ATL2: variants seen among roughly 807,000 people sequenced by gnomAD.
ATL2 encodes atlastin GTPase 2, also known as atlastin-2.
A neutral mutation model predicts 73.9 loss-of-function variants in ATL2; 31 were observed. That is an observed-to-expected ratio of 0.42 (90% CI 0.32 to 0.57). The LOEUF (loss-of-function observed/expected upper bound fraction) is 0.57, where lower values mean the gene tolerates loss of function less well. ATL2 is among the 20% of genes least tolerant of loss of function. The pLI, the probability that ATL2 is intolerant of heterozygous loss-of-function variation, is 0.14. For missense variants in ATL2, 738 were observed against 702.6 expected (o/e 1.05, Z -0.57); for synonymous variants, 291 against 237.5 (o/e 1.23, Z -2.07).
chr2:38,370,553 T>C (rs1360789602), intron 1 of ATL2, among the ~76,000 whole-genome samples: 3 of 150,720 alleles, frequency 2.0e-5, no homozygotes, highest in Admixed American at 2.0e-4. Flanking sequence ...GGCGGATCAC[T>C]TGTGGTCAGA....
chr2:38,324,500 A>G (rs1668491539), intron 2 of ATL2, among the ~76,000 whole-genome samples: 1 of 152,252 alleles, frequency 6.6e-6, no homozygotes, highest in Admixed American at 6.5e-5. Context: ...ATATGTGAGA[A>G]TACTCTGCAA....
chr2:38,360,128 CAA>C (rs755582696), intron 1 of ATL2, among the ~76,000 whole-genome samples: 1,701 of 81,942 alleles, frequency 0.021, 17 homozygotes, highest in East Asian at 0.084. Flanking sequence ...GGCTCCATTT[CAA>C]AAAAAAAAAA....
At chr2:38,321,254 T>C (rs556772395) in intron 2 of ATL2, among the ~76,000 whole-genome samples, 1 of 152,294 alleles carries the variant, frequency 6.6e-6, no homozygotes, top group East Asian at 1.9e-4. Context: ...TCTTTAATTA[T>C]TATTATTATT....
At chr2:38,348,245 T>G (rs546810603) in intron 1 of ATL2, among the ~76,000 whole-genome samples, 5 of 151,986 alleles carry the variant, frequency 3.3e-5, no homozygotes, top group Admixed American at 1.3e-4. Flanking sequence ...GGAGGGCGGA[T>G]CACCTAAAGT....
At chr2:38,378,273 C>T (rs1279558555), upstream of ATL2, among the ~76,000 whole-genome samples, 1 of 152,232 alleles carries the variant, frequency 6.6e-6, no homozygotes, top group Non-Finnish European at 1.5e-5. Flanking sequence ...TAGAAAAGCA[C>T]TGGTGTTATT....
chr2:38,332,055 C>A (rs551309112), intron 2 of ATL2, among the ~76,000 whole-genome samples: 1 of 152,134 alleles, frequency 6.6e-6, no homozygotes, highest in South Asian at 2.1e-4. Flanking sequence ...TAAGTGAAGC[C>A]AGTCACAAAA....
At chr2:38,303,206 T>TTA (rs1667274044) in intron 9 of ATL2, among the ~76,000 whole-genome samples, 1 of 152,050 alleles carries the variant, frequency 6.6e-6, no homozygotes, top group African/African-American at 2.4e-5. Flanking sequence ...CCAAACCTCT[T>TTA]TTTTATTTTA....
intron 9 of ATL2, among the ~76,000 whole-genome samples, chr2:38,300,679 C>A (rs1667139742): frequency 6.6e-6 from 1 of 151,762 alleles, no homozygotes; most frequent in Admixed American, 6.6e-5. Context: ...GAGATGGGGT[C>A]TCACACTGAC....
chr2:38,344,606 T>C (rs1475678730), intron 1 of ATL2, among the ~76,000 whole-genome samples: 1 of 152,004 alleles, frequency 6.6e-6, no homozygotes, highest in Non-Finnish European at 1.5e-5. Flanking sequence ...TGAGTCTCAG[T>C]CTCAAAAAAC....
chr2:38,374,827 T>G (rs548762273), intron 1 of ATL2, among the ~76,000 whole-genome samples: 39 of 152,348 alleles, frequency 2.6e-4, no homozygotes, highest in African/African-American at 9.1e-4. Flanking sequence ...TTACTTATAC[T>G]TGTGAATATT....
chr2:38,340,993 A>G (rs115020203), intron 2 of ATL2, among the ~76,000 whole-genome samples: 442 of 152,312 alleles, frequency 2.9e-3, no homozygotes, highest in Non-Finnish European at 4.9e-3. Context: ...TTGCAAATAC[A>G]CGGCAATGGG....
rs114847392 is a variant in ATL2, at chr2:38,314,480, C to T, written c.711+128G>A. ...TGATGATACTACCAAAGGTTAGTTT[C>T]GATTGCACTGAATCTGTTGCTAGCA... On this transcript the variant is annotated intron_variant, in intron 6 of 12. Coordinates refer to ENST00000378954, the MANE Select transcript of ATL2 (RefSeq NM_001135673.4). 197 of 612,626 alleles carry T rather than the reference C, an allele frequency of 3.2e-4. 1 individual carries two copies. In the African/African-American group the frequency reaches 3.4e-3, roughly 11 times the overall value. 37.9% of individuals were successfully genotyped at this position (612,626 alleles called of 1,614,324 possible).
At chr2:38,296,617 G>C (rs555721463) in intron 12 of ATL2, 1 of 1,611,576 alleles carries the variant, frequency 6.2e-7, no homozygotes, top group Non-Finnish European at 8.5e-7. Flanking sequence ...TTTGTTAGGA[G>C]AATGAATCAG....
At chr2:38,343,719 T>A (rs1669862323) in intron 1 of ATL2, among the ~76,000 whole-genome samples, 1 of 152,086 alleles carries the variant, frequency 6.6e-6, no homozygotes, top group Non-Finnish European at 1.5e-5. Flanking sequence ...GTTGGCTGTG[T>A]CCCCACCCAA....
In ATL2 at chr2:38,294,714, T is replaced by C. The variant is rs191621751; in HGVS notation, c.*1280A>G. The stretch of plus-strand genomic sequence containing the variant: ...TAGGCTAATCATAGGTTTTCCCTTA[T>C]AGAGACAGACACAGAAAAGTAACTT... On this transcript the variant is annotated 3_prime_UTR_variant, in exon 13 of 13. Coordinates refer to ENST00000378954, the MANE Select transcript of ATL2 (RefSeq NM_001135673.4). 2.0e-5 allele frequency among the ~76,000 whole-genome samples: 3 copies of C among 152,066 alleles called. No individual in the cohort carries two copies. The highest frequency in any genetic ancestry group is 4.2e-4 in the South Asian group (2 of 4,808).
rs57550006 is a variant in ATL2 at position 38,372,117 on chromosome 2, T to A, written c.118+5026A>T. Among the ~76,000 whole-genome samples the A allele has an allele frequency of 7.6e-3, 1,017 of 133,564 alleles. 10 individuals are homozygous for A. The highest frequency in any genetic ancestry group is 0.058 in the East Asian group (294 of 5,078). The allele number at this position is 133,564 out of a possible 152,430, so 87.6% of individuals were successfully genotyped here. A position where few individuals can be genotyped will look rare whatever the true frequency, so the allele number is the denominator to read the frequency against. On this transcript the variant is annotated intron_variant, in intron 1 of 12. Coordinates refer to ENST00000378954, the MANE Select transcript of ATL2 (RefSeq NM_001135673.4). ...GATTCACTGTTAGTATGGTTTCATGTTAATTGTTTTTTTTTTTTTTTTTGG... is the reference window on the plus strand; with the variant it reads ...GATTCACTGTTAGTATGGTTTCATGATAATTGTTTTTTTTTTTTTTTTTGG...
intron 2 of ATL2, among the ~76,000 whole-genome samples, chr2:38,338,463 A>G (rs1368005425): frequency 1.3e-5 from 2 of 152,202 alleles, no homozygotes. Flanking sequence ...ATAAAAGTTA[A>G]AATTATTTTT....
At position 38,319,007 on chromosome 2, in the gene ATL2, A is replaced by C. The variant is rs1340666137; in HGVS notation, c.376T>G (p.Trp126Gly). 4 of 1,612,452 alleles carry C rather than the reference A, an allele frequency of 2.5e-6. No homozygotes were observed. The highest frequency in any genetic ancestry group is 3.4e-6 in the Non-Finnish European group (4 of 1,179,630). ...AATGGTTCATTGTTTCCACCAATCC[A>C]ACTTTGAGAATCCTGTTAAAGTCAA... ...RYMYNKDSQS[W>G]IGGNNEPLTG... The change falls in exon 3 of 13, where the codon TGG becomes GGG. Residue 126 changes from tryptophan to glycine, a missense_variant. Transcript: ENST00000378954.
intron 1 of ATL2, among the ~76,000 whole-genome samples, chr2:38,374,023 C>T (rs1338015944): frequency 1.3e-5 from 2 of 152,156 alleles, no homozygotes; most frequent in African/African-American, 2.4e-5. Flanking sequence ...TCCTAAATAG[C>T]TGGGATTACA....
Sources: gnomAD v4.1 joint callset for allele counts (sites outside exome capture counted in the v4.1 genomes callset) on GRCh38, gnomAD v4.1.1 for gene constraint, MANE v1.5 for transcripts, NCBI Gene and HGNC (gene_info 2026-07-23, HGNC 2026-07-21) for gene names.